Variants in ADAM22 observed in about 807,000 individuals in gnomAD.
ADAM22 encodes the protein ADAM metallopeptidase domain 22.
A neutral mutation model predicts 144.6 loss-of-function variants in ADAM22; 65 were observed. The observed-to-expected ratio is 0.45, with a 90% CI of 0.37 to 0.55. The LOEUF (loss-of-function observed/expected upper bound fraction) is 0.55. ADAM22 is among the 20% of genes least tolerant of loss of function. The pLI is 0.00. For missense variants in ADAM22, 974 were observed against 1,184.9 expected (o/e 0.82, Z 2.61); for synonymous variants, 391 against 412.6 (o/e 0.95, Z 0.63).
chr7:88,066,444 A>G (rs1811268475), intron 3 of ADAM22, among the ~76,000 whole-genome samples: 1 of 152,148 alleles, frequency 6.6e-6, no homozygotes. Flanking sequence ...ATGTTTGTCA[A>G]GCAAGATCAG....
intron 3 of ADAM22, among the ~76,000 whole-genome samples, chr7:87,982,095 A>ACG (rs1853676202): frequency 1.3e-5 from 2 of 150,532 alleles, no homozygotes; most frequent in Non-Finnish European, 3.0e-5. Context: ...ACACACACAC[A>ACG]CACACACACA....
chr7:88,062,177 C>T (rs1397595636), intron 3 of ADAM22, among the ~76,000 whole-genome samples: 1 of 150,704 alleles, frequency 6.6e-6, no homozygotes, highest in African/African-American at 2.4e-5. Flanking sequence ...GTATTGACTT[C>T]TCCTCTCTGG....
intron 4 of ADAM22, among the ~76,000 whole-genome samples, chr7:88,094,531 A>G (rs923654041): frequency 6.6e-6 from 1 of 152,198 alleles, no homozygotes; most frequent in African/African-American, 2.4e-5. Flanking sequence ...GCCTCAACTC[A>G]GAAGAATCAG....
At chr7:88,130,562 A>C in intron 10 of ADAM22, 103 bp downstream of exon 10, 1 of 1,141,938 alleles carries the variant, frequency 8.8e-7, no homozygotes, top group South Asian at 1.6e-5. Flanking sequence ...TCTATGTTGC[A>C]CTTCAGCCAA....
intron 7 of ADAM22, among the ~76,000 whole-genome samples, chr7:88,122,242 A>G (rs1034883995): frequency 6.6e-6 from 1 of 152,226 alleles, no homozygotes; most frequent in African/African-American, 2.4e-5. Context: ...AGGGAAGCTC[A>G]CAACACTAGT....
chr7:88,058,883 G>GA (rs1809002498), intron 3 of ADAM22, among the ~76,000 whole-genome samples: 1 of 152,168 alleles, frequency 6.6e-6, no homozygotes, highest in Admixed American at 6.5e-5. Flanking sequence ...GGAGCAGTTA[G>GA]AAGCCCAGCT....
intron 26 of ADAM22, among the ~76,000 whole-genome samples, chr7:88,178,000 G>A (rs1163234066): frequency 6.6e-6 from 1 of 152,074 alleles, no homozygotes; most frequent in Non-Finnish European, 1.5e-5. Context: ...TGGCTATTTG[G>A]AGGCTACACT....
At chr7:88,039,464 A>AAAAAAAAAAAAAAAAAAATATAT in intron 3 of ADAM22, among the ~76,000 whole-genome samples, 9 of 76,392 alleles carry the variant, frequency 1.2e-4, no homozygotes, top group Non-Finnish European at 2.2e-4. Context: ...AAAAAAAAAA[A>AAAAAAAAAAAAAAAAAAATATAT]ATATATATAT....
intron 3 of ADAM22, among the ~76,000 whole-genome samples, chr7:88,049,360 T>G (rs985289604): frequency 5.3e-5 from 8 of 151,812 alleles, no homozygotes; most frequent in African/African-American, 1.5e-4. Context: ...ACACTGTTTC[T>G]TTTTTTTTCT....
chr7:88,029,790 T>C (rs1366140253), intron 3 of ADAM22, among the ~76,000 whole-genome samples: 1 of 152,058 alleles, frequency 6.6e-6, no homozygotes, highest in Non-Finnish European at 1.5e-5. Flanking sequence ...GTTTTAAATA[T>C]GTCATGCCAC....
At chr7:88,154,157 G>A (rs946594883) in intron 21 of ADAM22, among the ~76,000 whole-genome samples, 2 of 152,284 alleles carry the variant, frequency 1.3e-5, no homozygotes, top group East Asian at 1.9e-4. Flanking sequence ...TCATGTATAT[G>A]GGATGTAATA....
rs777907585 is a variant in ADAM22 at position 88,162,995 on chromosome 7, T to C, written c.1908-17T>C. On this transcript the variant is annotated splice_polypyrimidine_tract_variant and intron_variant, in intron 22 of 31. Coordinates refer to ENST00000413139, the MANE Select transcript of ADAM22 (RefSeq NM_001324418.2). ...GTGAATTAATAGATTCATTTTTTGC[T>C]CTCAATTTGTTTTTAGTGGTGGGCA... 1.4e-5 allele frequency: 22 copies of C among 1,598,408 alleles called. No individual in the cohort carries two copies. The highest frequency in any genetic ancestry group is 1.7e-5 in the Non-Finnish European group (20 of 1,175,164).
chr7:88,131,787 G>A (rs1348696060), intron 11 of ADAM22: 9 of 246,784 alleles, frequency 3.6e-5, no homozygotes, highest in Non-Finnish European at 6.9e-5. Flanking sequence ...TCTGTTTTTG[G>A]TTCTAAGATG....
intron 3 of ADAM22, among the ~76,000 whole-genome samples, chr7:87,981,384 T>C (rs1419093937): frequency 3.3e-5 from 5 of 152,212 alleles, no homozygotes; most frequent in Admixed American, 2.6e-4. Context: ...TGTCTTCTTA[T>C]TTCAATAACA....
At chr7:88,073,898 CACAA>C (rs2129479904) in intron 3 of ADAM22, among the ~76,000 whole-genome samples, 1 of 152,298 alleles carries the variant, frequency 6.6e-6, no homozygotes, top group African/African-American at 2.4e-5. Flanking sequence ...CAGTTAGCCT[CACAA>C]ACAGTCATGA....
chr7:88,151,810 A>G (rs1838478000), intron 20 of ADAM22, among the ~76,000 whole-genome samples: 1 of 152,190 alleles, frequency 6.6e-6, no homozygotes, highest in Non-Finnish European at 1.5e-5. Context: ...CTTCTGCTAA[A>G]GTGGCTTTGC....
At chr7:87,976,365 G>C (rs992721222) in intron 2 of ADAM22, among the ~76,000 whole-genome samples, 1 of 152,112 alleles carries the variant, frequency 6.6e-6, no homozygotes, top group African/African-American at 2.4e-5. Context: ...AATATGACTG[G>C]TGTCCTTATA....
intron 9 of ADAM22, 49 bp from the exon 10 acceptor site, chr7:88,130,339 G>T: frequency 7.0e-7 from 1 of 1,422,936 alleles, no homozygotes; most frequent in Non-Finnish European, 9.8e-7. Context: ...TGAGATGATT[G>T]TTTTCTGATC....
At chr7:88,043,010 G>A (rs998062452) in intron 3 of ADAM22, among the ~76,000 whole-genome samples, 6 of 151,618 alleles carry the variant, frequency 4.0e-5, no homozygotes, top group Admixed American at 1.3e-4. Flanking sequence ...ACTTCCTTGC[G>A]CAATGGTGAC....
Sources: gnomAD v4.1 joint callset for allele counts (sites outside exome capture counted in the v4.1 genomes callset) on GRCh38, gnomAD v4.1.1 for gene constraint, MANE v1.5 for transcripts, NCBI Gene and HGNC (gene_info 2026-07-23, HGNC 2026-07-21) for gene names.